Variants in ZFP62 observed in about 807,000 individuals in gnomAD.
The protein encoded by ZFP62 is ZFP62 zinc finger protein.
A neutral mutation model predicts 56.4 loss-of-function variants in ZFP62; 44 were observed. The ratio of observed to expected loss-of-function variants is 0.78; its 90% CI spans 0.61 to 1.00. The LOEUF (loss-of-function observed/expected upper bound fraction) is 1.00, where lower values mean the gene tolerates loss of function less well. Ranked by LOEUF, ZFP62 falls within the 50% of genes least tolerant of loss-of-function variation. The pLI, the probability that ZFP62 is intolerant of heterozygous loss-of-function variation, is 0.00. For missense variants in ZFP62, 1,030 were observed against 1,085.7 expected (o/e 0.95, Z 0.72); for synonymous variants, 421 against 388.9 (o/e 1.08, Z -0.97).
chr5:180,854,279 C>T (rs566712521), intron 1 of ZFP62, among the ~76,000 whole-genome samples: 3 of 152,166 alleles, frequency 2.0e-5, no homozygotes, highest in Non-Finnish European at 4.4e-5. Flanking sequence ...CTTGAACATC[C>T]AGTGTTCAAG....
chr5:180,850,391 A>G lies in ZFP62; in HGVS notation c.1104T>C (p.Asp368=). ...TGTTCCTGAAAGCCTTCCCACATTC[A>G]TCACATTCATAAGGTTTCTCTCCAG... ...IHTGEKPYEC[D]ECGKAFRNSS... The change falls in exon 2 of 2, where the codon GAT becomes GAC. Residue 368 remains aspartate (D), a synonymous_variant. Transcript: ENST00000502412. 6.4e-7 allele frequency: 1 copy of G among 1,561,948 alleles called. No individual in the cohort carries two copies. Among genetic ancestry groups the G allele is most frequent in the Non-Finnish European group, 8.7e-7 (1 of 1,153,006 alleles).
the ZFP62 span, among the ~76,000 whole-genome samples, chr5:180,839,837 C>T: frequency 6.6e-5 from 10 of 152,148 alleles, no homozygotes; most frequent in Admixed American, 5.2e-4. Context: ...CCTCCTACCC[C>T]CTTAAGAACT....
chr5:180,850,609 G>A lies in ZFP62; in HGVS notation c.886C>T (p.Leu296Phe), dbSNP rs1335216162. 3.2e-6 allele frequency: 5 copies of A among 1,565,884 alleles called. No individual in the cohort carries two copies. The Admixed American group carries it at 5.8e-5, about 18-fold the overall frequency. Residue 296 changes from leucine (L) to phenylalanine (F), a missense_variant, in exon 2 of 2, where the codon CTT (leucine) becomes TTT (phenylalanine). Coordinates refer to ENST00000502412, the MANE Select transcript of ZFP62 (RefSeq NM_001172638.2). ...GTGTGGATCCTTTTATGGACCCTAA[G>A]GCCAGAGCTGTTACTGAAGGTTTTC... ...CGKTFSNSSG[L>F]RVHKRIHTGE...
In ZFP62 at chr5:180,849,336, T is replaced by C. The variant is rs1356651693; in HGVS notation, c.2159A>G (p.Lys720Arg). 7 of 1,551,894 alleles carry C rather than the reference T, an allele frequency of 4.5e-6. No homozygotes were observed. The highest frequency in any genetic ancestry group is 2.4e-5 in the East Asian group (1 of 40,934). The change falls in exon 2 of 2, where the codon AAA becomes AGA. Residue 720 changes from lysine to arginine, a missense_variant. Transcript: ENST00000502412. Reference sequence around the variant, plus strand: ...GGGTTTCTCCCCAAGATGGACTCTTTTATGGCTTATAAGAGTTCTGCTTGA... The same window carrying C: ...GGGTTTCTCCCCAAGATGGACTCTTCTATGGCTTATAAGAGTTCTGCTTGA... Reference protein sequence around the residue: ...FFSSRTLISHKRVHLGEKPFK... With the variant: ...FFSSRTLISHRRVHLGEKPFK...
intron 1 of ZFP62, among the ~76,000 whole-genome samples, chr5:180,852,603 T>C (rs1161298835): frequency 6.9e-6 from 1 of 144,874 alleles, no homozygotes; most frequent in African/African-American, 2.5e-5. Context: ...CTTCACACCA[T>C]ACACACATGA....
At chr5:180,835,986 A>C in the ZFP62 span, among the ~76,000 whole-genome samples, 1 of 152,208 alleles carries the variant, frequency 6.6e-6, no homozygotes, top group African/African-American at 2.4e-5. Context: ...CATTATTTTT[A>C]CGGTACCTTT....
At chr5:180,837,264 C>T in the ZFP62 span, among the ~76,000 whole-genome samples, 1 of 152,232 alleles carries the variant, frequency 6.6e-6, no homozygotes, top group Non-Finnish European at 1.5e-5. Context: ...GCGTCCTCCC[C>T]ATCTTTTCTG....
chr5:180,848,652 C>G lies in ZFP62; in HGVS notation c.*140G>C. On this transcript the variant is annotated 3_prime_UTR_variant, in exon 2 of 2. Coordinates refer to ENST00000502412, the MANE Select transcript of ZFP62 (RefSeq NM_001172638.2). ...TTTCTTGCTTGCTATGATTGAAAAT[C>G]ACATAGAAAGGATTCCTCATAATCC... 1 of 1,375,800 alleles carries G rather than the reference C, an allele frequency of 7.3e-7. No homozygotes were observed. Among genetic ancestry groups the G allele is most frequent in the Non-Finnish European group, 9.4e-7 (1 of 1,065,172 alleles). The allele number at this position is 1,375,800 out of a possible 1,614,324, so 85.2% of individuals were successfully genotyped here. A position where few individuals can be genotyped will look rare whatever the true frequency, so the allele number is the denominator to read the frequency against.
At chr5:180,832,534 G>C in the ZFP62 span, 5 of 152,168 alleles carry the variant, frequency 3.3e-5, no homozygotes, top group African/African-American at 1.2e-4. Flanking sequence ...TGTTACAGCA[G>C]CAATAAGAAA....
chr5:180,849,780 G>C lies in ZFP62; in HGVS notation c.1715C>G (p.Ser572Cys), dbSNP rs1368193307. 3 of 1,551,710 alleles carry C rather than the reference G, an allele frequency of 1.9e-6. No homozygotes were observed. Among genetic ancestry groups the C allele is most frequent in the Non-Finnish European group, 2.6e-6 (3 of 1,147,112 alleles). Residue 572 changes from serine (S) to cysteine (C), a missense_variant, in exon 2 of 2, where the codon TCT (serine) becomes TGT (cysteine). By Grantham distance (112) the Ser-to-Cys change is moderately radical (BLOSUM62 -1). Transcript: ENST00000502412. ...KCEECGKAYI[S>C]LSSLINHKSV... is the part of the protein sequence containing the mutation. Reference sequence around the variant, plus strand: ...TTTATGATTTATAAGGCTCGAGAGAGAGATGTATGCTTTCCCACATTCTTC... The same window carrying C: ...TTTATGATTTATAAGGCTCGAGAGACAGATGTATGCTTTCCCACATTCTTC...
chr5:180,831,232 C>A, the ZFP62 span: 1 of 153,154 alleles, frequency 6.5e-6, no homozygotes, highest in South Asian at 1.9e-4. Flanking sequence ...GGCCTCAGGT[C>A]AGCGCCGCCC....
At chr5:180,842,897 G>A (rs1773343712), downstream of ZFP62, among the ~76,000 whole-genome samples, 1 of 151,920 alleles carries the variant, frequency 6.6e-6, no homozygotes. Flanking sequence ...ACAACAATTA[G>A]CCGGGCATGG....
In ZFP62 at chr5:180,849,650, C is replaced by T. The variant is rs1456141506; in HGVS notation, c.1845G>A (p.Lys615=). The change falls in exon 2 of 2, where the codon AAG becomes AAA. Residue 615 remains lysine (K), a synonymous_variant. Coordinates refer to ENST00000502412, the MANE Select transcript of ZFP62 (RefSeq NM_001172638.2). ...TNHKKVHLGE[K]PYKCDVCEKS... The stretch of plus-strand genomic sequence containing the variant: ...TCTCACACACATCACATTTGTAGGG[C>T]TTCTCCCCAAGATGAACTTTTTTGT... 25 of 1,551,042 alleles carry T rather than the reference C, an allele frequency of 1.6e-5. No homozygotes were observed. The highest frequency in any genetic ancestry group is 1.7e-4 in the Middle Eastern group (1 of 6,004).
downstream of ZFP62, among the ~76,000 whole-genome samples, chr5:180,843,493 A>G (rs1228781164): frequency 6.6e-6 from 1 of 152,208 alleles, no homozygotes; most frequent in Admixed American, 6.5e-5. Context: ...GAAAGTAAAG[A>G]AAGAGAAATG....
downstream of ZFP62, among the ~76,000 whole-genome samples, chr5:180,846,191 G>A (rs1432059091): frequency 6.6e-6 from 1 of 152,118 alleles, no homozygotes; most frequent in Non-Finnish European, 1.5e-5. Flanking sequence ...CTGGCTGTAG[G>A]TACACTTGAG....
intron 1 of ZFP62, chr5:180,852,062 T>A: frequency 1.0e-6 from 1 of 980,220 alleles, no homozygotes. Flanking sequence ...GAAGGCAACC[T>A]GCATATTAAA....
At chr5:180,828,561 G>A in the ZFP62 span, among the ~76,000 whole-genome samples, 3 of 152,198 alleles carry the variant, frequency 2.0e-5, no homozygotes, top group African/African-American at 7.2e-5. Context: ...AATTTCTTAT[G>A]CCTGTCTTTA....
intron 1 of ZFP62, among the ~76,000 whole-genome samples, chr5:180,856,404 A>G (rs1374011523): frequency 6.6e-6 from 1 of 152,254 alleles, no homozygotes; most frequent in Non-Finnish European, 1.5e-5. Flanking sequence ...CTGCTAAAAC[A>G]TAAAGACAAT....
the ZFP62 span, among the ~76,000 whole-genome samples, chr5:180,829,333 G>C: frequency 2.0e-5 from 3 of 151,552 alleles, no homozygotes; most frequent in Admixed American, 6.6e-5. Flanking sequence ...TGTGATCTTT[G>C]TTCTGCCTTT....
Sources: allele counts gnomAD v4.1 joint callset (sites outside exome capture counted in the v4.1 genomes callset), GRCh38; gene constraint gnomAD v4.1.1; transcripts MANE v1.5; gene names NCBI Gene and HGNC (gene_info 2026-07-23, HGNC 2026-07-21).